The following GAREM1 variants were observed in gnomAD, a reference collection of about 807,000 sequenced individuals.
GAREM1 encodes GRB2 associated regulator of MAPK1 subtype 1, also known as GRB2-associated and regulator of MAPK protein 1.
A neutral mutation model predicts 71.3 loss-of-function variants in GAREM1; 26 were observed. That is an observed-to-expected ratio of 0.36 (90% CI 0.27 to 0.51). The LOEUF (loss-of-function observed/expected upper bound fraction) is 0.51. Among genes scored for constraint, GAREM1 ranks in the 20% least tolerant of loss-of-function variants. The pLI is 0.95. For missense variants in GAREM1, 1,026 were observed against 1,103.1 expected, an observed-to-expected ratio of 0.93 and a Z score of 0.99; for synonymous variants, 440 against 433.2, an observed-to-expected ratio of 1.02 and a Z score of -0.20.
intron 1 of GAREM1, among the ~76,000 whole-genome samples, chr18:32,410,789 T>C (rs569930056): frequency 1.7e-4 from 26 of 152,274 alleles, no homozygotes; most frequent in African/African-American, 6.3e-4. Flanking sequence ...TCTCAACAAA[T>C]ACGACTTCGG....
At chr18:32,441,588 CCAGACA>C (rs950655595) in intron 1 of GAREM1, among the ~76,000 whole-genome samples, 3 of 152,110 alleles carry the variant, frequency 2.0e-5, no homozygotes, top group African/African-American at 7.2e-5. Context: ...GACTGCGCAC[CCAGACA>C]CAAACATCTT....
chr18:32,350,876 TA>T (rs1275996924), intron 2 of GAREM1, among the ~76,000 whole-genome samples: 1 of 152,198 alleles, frequency 6.6e-6, no homozygotes, highest in East Asian at 1.9e-4. Flanking sequence ...GCATGATGTT[TA>T]AACAAAATTT....
rs141532227 is a variant in GAREM1, at chr18:32,322,757, G to T, written c.263-12434C>A. Among the ~76,000 whole-genome samples, 443 of 152,292 alleles carry T rather than the reference G, an allele frequency of 2.9e-3. 3 individuals carry two copies. Among genetic ancestry groups the T allele is most frequent in the African/African-American group, 0.01 (430 of 41,566 alleles). On this transcript the variant is annotated intron_variant, in intron 2 of 5. Transcript: ENST00000269209. Reference sequence around the variant, plus strand: ...CCAGCTCAAGTCCAACATAATCTGTGAAGTGTTCCTTGACAACTTCAGCTC... The same window carrying T: ...CCAGCTCAAGTCCAACATAATCTGTTAAGTGTTCCTTGACAACTTCAGCTC...
chr18:32,332,872 G>A (rs1185204161), intron 2 of GAREM1, among the ~76,000 whole-genome samples: 2 of 152,130 alleles, frequency 1.3e-5, no homozygotes, highest in African/African-American at 4.8e-5. Context: ...TCCTGAAAAC[G>A]ATGGCATGAC....
chr18:32,319,892 T>A (rs2047413574), intron 2 of GAREM1, among the ~76,000 whole-genome samples: 1 of 152,254 alleles, frequency 6.6e-6, no homozygotes, highest in African/African-American at 2.4e-5. Flanking sequence ...ATACCATAAC[T>A]AATTTAACCA....
Position 32,347,326 on chromosome 18 carries a change from G to C in GAREM1, c.263-37003C>G, listed in dbSNP as rs955610009. Among the ~76,000 whole-genome samples, 5 of 152,010 alleles carry C rather than the reference G, an allele frequency of 3.3e-5. No individual in the cohort carries two copies. In the South Asian group the frequency reaches 1.0e-3, roughly 32 times the overall value. On this transcript the variant is annotated intron_variant, in intron 2 of 5. Coordinates refer to ENST00000269209, the MANE Select transcript of GAREM1 (RefSeq NM_001242409.2). ...CCAGCCTGGGCAACAAAGTGAGACC[G>C]TGTCTCAAAATAATAATAATAAAAA...
rs746525136 is a variant in GAREM1 at position 32,268,186 on chromosome 18, G to T, written c.2316C>A (p.Gly772=). ...AGGAGGCAGAGAAGATGTCCTGCAT[G>T]CCCTTTTTAACAAAATACTGGTCCT... is the stretch of plus-strand genomic sequence containing the variant. ...LSEDQYFVKK[G]MQDIFSASYP... is the part of the protein sequence containing the mutation. Residue 772 remains glycine, a synonymous_variant, in exon 6 of 6, where the codon GGC becomes GGA. Coordinates refer to ENST00000269209, the MANE Select transcript of GAREM1 (RefSeq NM_001242409.2). 6.2e-7 allele frequency: 1 copy of T among 1,614,114 alleles called. No individual in the cohort carries two copies. Among genetic ancestry groups the T allele is most frequent in the Non-Finnish European group, 8.5e-7 (1 of 1,180,014 alleles).
chr18:32,386,851 G>A (rs967163128), intron 2 of GAREM1, among the ~76,000 whole-genome samples: 6 of 152,194 alleles, frequency 3.9e-5, no homozygotes, highest in East Asian at 1.9e-4. Flanking sequence ...TATTACTCAC[G>A]TGCCAGCACT....
At chr18:32,453,182 TA>T (rs1472674703) in intron 1 of GAREM1, among the ~76,000 whole-genome samples, 1 of 151,940 alleles carries the variant, frequency 6.6e-6, no homozygotes, top group Non-Finnish European at 1.5e-5. Flanking sequence ...GGAAACCTCT[TA>T]AAAAACCATC....
intron 4 of GAREM1, among the ~76,000 whole-genome samples, chr18:32,278,362 A>G (rs1003281287): frequency 1.7e-4 from 26 of 152,188 alleles, no homozygotes; most frequent in African/African-American, 6.3e-4. Flanking sequence ...CTCAAAGTTC[A>G]TATTGTTTGG....
intron 1 of GAREM1, among the ~76,000 whole-genome samples, chr18:32,395,100 A>G (rs1470478895): frequency 2.0e-5 from 3 of 152,238 alleles, no homozygotes; most frequent in Non-Finnish European, 2.9e-5. Flanking sequence ...AATGACCTTC[A>G]GAGGAGTTGA....
At chr18:32,356,896 C>T (rs2047811771) in intron 2 of GAREM1, among the ~76,000 whole-genome samples, 1 of 152,150 alleles carries the variant, frequency 6.6e-6, no homozygotes, top group East Asian at 1.9e-4. Context: ...CCACCCTCCA[C>T]CCCCAACCAT....
At chr18:32,433,041 C>T (rs572685534) in intron 1 of GAREM1, among the ~76,000 whole-genome samples, 1 of 151,862 alleles carries the variant, frequency 6.6e-6, no homozygotes, top group African/African-American at 2.4e-5. Context: ...TAAAAATCCT[C>T]AACAAAATAT....
chr18:32,287,887 C>T lies in GAREM1; in HGVS notation c.710G>A (p.Arg237His), dbSNP rs774837699. 9.9e-6 allele frequency: 16 copies of T among 1,613,836 alleles called. No homozygotes were observed. The highest frequency in any genetic ancestry group is 6.7e-5 in the East Asian group (3 of 44,878). ...LQMQEGEHTI[R>H]NIVEKTRLPV... The stretch of plus-strand genomic sequence containing the variant: ...AAGCCTGGTTTTCTCCACAATGTTG[C>T]GGATGGTGTGTTCGCCCTCTTGCAT... Residue 237 changes from arginine (R) to histidine (H), a missense_variant, in exon 4 of 6, where the codon CGC becomes CAC. By Grantham distance (29) the Arg-to-His change is conservative. Around this residue, in one of 3 missense-constraint regions of GAREM1, gnomAD observed 218 missense variants for 296.8 expected, o/e 0.73. Coordinates refer to ENST00000269209, the MANE Select transcript of GAREM1 (RefSeq NM_001242409.2). The surrounding 1 kb of genome is among the most constrained non-coding windows in gnomAD (Gnocchi z 5.9).
intron 3 of GAREM1, among the ~76,000 whole-genome samples, chr18:32,305,393 G>C (rs2047243872): frequency 6.6e-6 from 1 of 152,122 alleles, no homozygotes; most frequent in African/African-American, 2.4e-5. Flanking sequence ...TAAATTTCAA[G>C]AGTTTTACAC....
At chr18:32,458,497 G>A (rs77891788) in intron 1 of GAREM1, among the ~76,000 whole-genome samples, 2,573 of 151,986 alleles carry the variant, frequency 0.017, 54 homozygotes, top group Non-Finnish European at 0.017. Flanking sequence ...AAAACCAGAG[G>A]TAATGTCTAT....
At chr18:32,439,820 G>A (rs1180713859) in intron 1 of GAREM1, among the ~76,000 whole-genome samples, 1 of 152,038 alleles carries the variant, frequency 6.6e-6, no homozygotes, top group East Asian at 1.9e-4. Context: ...CTTCCATTCT[G>A]ACACACTCTC....
chr18:32,322,234 A>G (rs1012866086), intron 2 of GAREM1, among the ~76,000 whole-genome samples: 2 of 152,156 alleles, frequency 1.3e-5, no homozygotes, highest in Non-Finnish European at 2.9e-5. Context: ...ATTTAACCCT[A>G]CAGGTTAGCT....
intron 2 of GAREM1, among the ~76,000 whole-genome samples, chr18:32,373,679 T>G (rs2144630199): frequency 6.6e-6 from 1 of 152,310 alleles, no homozygotes; most frequent in African/African-American, 2.4e-5. Context: ...AGCATTTCTA[T>G]AAGGATATCT....
Sources: allele counts gnomAD v4.1 joint callset (sites outside exome capture counted in the v4.1 genomes callset), GRCh38; gene constraint gnomAD v4.1.1; regional missense constraint gnomAD v4.1.1; non-coding constraint Gnocchi (gnomAD v3.1); transcripts MANE v1.5; gene names NCBI Gene and HGNC (gene_info 2026-07-23, HGNC 2026-07-21).